FLRT2: variants seen among roughly 807,000 people sequenced by gnomAD.
The protein encoded by FLRT2 is fibronectin leucine rich transmembrane protein 2.
In FLRT2, 15 loss-of-function variants were observed where a neutral mutation model predicts 40.0. The observed-to-expected ratio is 0.38, with a 90% CI of 0.25 to 0.58. The LOEUF is 0.58. FLRT2 is among the 20% of genes least tolerant of loss of function. FLRT2 has a pLI of 0.71. For synonymous variants in FLRT2, 380 were observed against 336.8 expected (o/e 1.13, Z -1.41); for missense variants, 726 against 840.0 (o/e 0.86, Z 1.68).
At chr14:85,577,273 T>C (rs968956367) in intron 1 of FLRT2, among the ~76,000 whole-genome samples, 1 of 152,206 alleles carries the variant, frequency 6.6e-6, no homozygotes, top group African/African-American at 2.4e-5. Flanking sequence ...TGTATTTTTA[T>C]ATTTTGTCAA....
chr14:85,535,892 G>GT lies in FLRT2; in HGVS notation c.-377+5387dup, dbSNP rs71454768. On this transcript the variant is annotated intron_variant, in intron 1 of 1. Coordinates refer to ENST00000330753, the MANE Select transcript of FLRT2 (RefSeq NM_013231.6). ...ACAAACCTAGCATGGAAGGAATGCT[G>GT]TTTTTTTTTTTTTTTTTTTTTTTTT... Among the ~76,000 whole-genome samples the GT allele has an allele frequency of 6.6e-3, 379 of 57,748 alleles. 3 individuals are homozygous for GT. Among genetic ancestry groups the GT allele is most frequent in the Non-Finnish European group, 9.7e-3 (285 of 29,344 alleles). 37.9% of individuals were successfully genotyped at this position (57,748 alleles called of 152,430 possible).
In FLRT2 at chr14:85,623,297, A is replaced by G; in HGVS notation, c.1783A>G (p.Lys595Glu). Residue 595 changes from lysine to glutamate, a missense_variant, in exon 2 of 2, where the codon AAG becomes GAG. This residue lies in a region of FLRT2 where 611 missense variants were observed against 690.0 expected (regional missense o/e 0.89). Transcript: ENST00000330753. ...KDDYCEAGTKKDNSILEMTET... is the reference protein window; with the variant it reads ...KDDYCEAGTKEDNSILEMTET... The stretch of plus-strand genomic sequence containing the variant: ...TGATTATTGCGAGGCAGGCACCAAG[A>G]AGGACAACTCCATCCTGGAGATGAC... The G allele has an allele frequency of 1.3e-6, 2 of 1,517,038 alleles. No individual in the cohort carries two copies. Among genetic ancestry groups the G allele is most frequent in the Non-Finnish European group, 1.8e-6 (2 of 1,133,760 alleles). The allele number at this position is 1,517,038 out of a possible 1,614,324, so 94.0% of individuals were successfully genotyped here. A position where few individuals can be genotyped will look rare whatever the true frequency, so the allele number is the denominator to read the frequency against.
chr14:85,544,850 C>T (rs1889189878), intron 1 of FLRT2, among the ~76,000 whole-genome samples: 1 of 152,192 alleles, frequency 6.6e-6, no homozygotes, highest in South Asian at 2.1e-4. Flanking sequence ...GGTGTATTTG[C>T]AAACACACAT....
chr14:85,564,462 A>G (rs1043175460), intron 1 of FLRT2, among the ~76,000 whole-genome samples: 1 of 152,200 alleles, frequency 6.6e-6, no homozygotes, highest in Non-Finnish European at 1.5e-5. Flanking sequence ...GGTTAAAAAT[A>G]TATTTAGGTA....
At chr14:85,539,285 A>G (rs1007951511) in intron 1 of FLRT2, among the ~76,000 whole-genome samples, 4 of 152,060 alleles carry the variant, frequency 2.6e-5, no homozygotes, top group African/African-American at 4.8e-5. Context: ...ACATTTTATC[A>G]TACAGATGTA....
Position 85,644,626 on chromosome 14 carries a change from A to G in FLRT2, c.*21129A>G, listed in dbSNP as rs1894246676. ...CCGGCATGTCTGGAAATCCTTTCCA[A>G]AGAAACTGGGCCTGTTCTTGATGGG... On this transcript the variant is annotated 3_prime_UTR_variant, in exon 2 of 2. Coordinates refer to ENST00000330753, the MANE Select transcript of FLRT2 (RefSeq NM_013231.6). The G allele has an allele frequency of 6.6e-6, 1 of 152,196 alleles. No homozygotes were observed. The highest frequency in any genetic ancestry group is 2.1e-4 in the South Asian group (1 of 4,830). The allele number at this position is 152,196 out of a possible 1,614,324, so 9.4% of individuals were successfully genotyped here.
At chr14:85,614,598 A>G (rs1169790532) in intron 1 of FLRT2, among the ~76,000 whole-genome samples, 3 of 152,154 alleles carry the variant, frequency 2.0e-5, no homozygotes, top group Non-Finnish European at 4.4e-5. Flanking sequence ...TTAGTGACTA[A>G]TCATCAGCCC....
rs1027625235 is a variant in FLRT2, at chr14:85,633,120, T to C, written c.*9623T>C. The stretch of plus-strand genomic sequence containing the variant: ...CTTGTGTATTGGGGTAAGAATTACA[T>C]GTAGAGATGATCTATTTAAAGGTAA... On this transcript the variant is annotated 3_prime_UTR_variant, in exon 2 of 2. Transcript: ENST00000330753. The C allele has an allele frequency of 1.3e-5, 2 of 152,200 alleles. No homozygotes were observed. The highest frequency in any genetic ancestry group is 4.8e-5 in the African/African-American group (2 of 41,442). 9.4% of individuals were successfully genotyped at this position (152,200 alleles called of 1,614,324 possible). A position where few individuals can be genotyped will look rare whatever the true frequency, so the allele number is the denominator to read the frequency against.
chr14:85,541,410 A>G (rs1437943254), intron 1 of FLRT2, among the ~76,000 whole-genome samples: 1 of 152,170 alleles, frequency 6.6e-6, no homozygotes, highest in Non-Finnish European at 1.5e-5. Context: ...ATTGCATTGC[A>G]GTTTTATACA....
chr14:85,623,211 T>C lies in FLRT2; in HGVS notation c.1697T>C (p.Met566Thr). The change falls in exon 2 of 2, where the codon ATG (methionine) becomes ACG (threonine). Residue 566 changes from methionine to threonine, a missense_variant. By Grantham distance (81) the Met-to-Thr change is moderately conservative (BLOSUM62 -1). This residue lies in a region of FLRT2 where 611 missense variants were observed against 690.0 expected (regional missense o/e 0.89). Transcript: ENST00000330753. ...VVLLSVFCWH[M>T]HKKGRYTSQK... is the part of the protein sequence containing the mutation. Reference sequence around the variant, plus strand: ...TTGCTCAGCGTCTTTTGCTGGCATATGCACAAAAAGGGGCGCTACACCTCC... The same window carrying C: ...TTGCTCAGCGTCTTTTGCTGGCATACGCACAAAAAGGGGCGCTACACCTCC... The C allele has an allele frequency of 1.3e-6, 2 of 1,536,010 alleles. No homozygotes were observed. The highest frequency in any genetic ancestry group is 1.7e-6 in the Non-Finnish European group (2 of 1,142,868).
intron 1 of FLRT2, among the ~76,000 whole-genome samples, chr14:85,613,004 G>A (rs1892959270): frequency 6.6e-6 from 1 of 152,046 alleles, no homozygotes; most frequent in South Asian, 2.1e-4. Flanking sequence ...TATATTTTTG[G>A]ATTGAGTTTA....
intron 1 of FLRT2, among the ~76,000 whole-genome samples, chr14:85,592,764 G>A (rs899123699): frequency 4.9e-5 from 7 of 143,530 alleles, no homozygotes; most frequent in Non-Finnish European, 1.0e-4. Context: ...ACTCCAGCCT[G>A]GGTGACAGGA....
Position 85,583,945 on chromosome 14 carries a change from C to T in FLRT2, c.-376-37194C>T, listed in dbSNP as rs1356135724. ...TTTGAAGCCAGCCTGGGCAATGTAG[C>T]AAGACACTGTTTCTTTAAAAAAAAA... On this transcript the variant is annotated intron_variant, in intron 1 of 1. Coordinates refer to ENST00000330753, the MANE Select transcript of FLRT2 (RefSeq NM_013231.6). Among the ~76,000 whole-genome samples the T allele has an allele frequency of 3.5e-5, 5 of 144,466 alleles. No homozygotes were observed. The South Asian group carries it at 9.0e-4, about 26-fold the overall frequency. The allele number at this position is 144,466 out of a possible 152,430, so 94.8% of individuals were successfully genotyped here.
At chr14:85,544,797 G>A (rs772865817) in intron 1 of FLRT2, among the ~76,000 whole-genome samples, 13 of 152,168 alleles carry the variant, frequency 8.5e-5, no homozygotes, top group Non-Finnish European at 1.9e-4. Context: ...TAAGTTTCGC[G>A]GTAGATTGCC....
chr14:85,596,247 A>G (rs2139325354), intron 1 of FLRT2, among the ~76,000 whole-genome samples: 1 of 152,278 alleles, frequency 6.6e-6, no homozygotes, highest in South Asian at 2.1e-4. Flanking sequence ...AGATCTGGAG[A>G]CTGACATAGA....
chr14:85,631,387 T>A lies in FLRT2; in HGVS notation c.*7890T>A, dbSNP rs1047686950. The A allele has an allele frequency of 6.6e-6, 1 of 152,064 alleles. No individual in the cohort carries two copies. The highest frequency in any genetic ancestry group is 2.4e-5 in the African/African-American group (1 of 41,394). The allele number at this position is 152,064 out of a possible 1,614,324, so 9.4% of individuals were successfully genotyped here. A position where few individuals can be genotyped will look rare whatever the true frequency, so the allele number is the denominator to read the frequency against. On this transcript the variant is annotated 3_prime_UTR_variant, in exon 2 of 2. Transcript: ENST00000330753. The stretch of plus-strand genomic sequence containing the variant: ...AGCACCTATATATTGTAATTTTTTG[T>A]GAGTCTGCTTCATGCCTATACAATG...
At chr14:85,610,616 C>A (rs1394001002) in intron 1 of FLRT2, among the ~76,000 whole-genome samples, 1 of 152,194 alleles carries the variant, frequency 6.6e-6, no homozygotes, top group African/African-American at 2.4e-5. Context: ...CCTGCCAGAG[C>A]TAAGGCTCTC....
At chr14:85,578,639 G>A (rs1174084984) in intron 1 of FLRT2, among the ~76,000 whole-genome samples, 2 of 152,156 alleles carry the variant, frequency 1.3e-5, no homozygotes, top group Non-Finnish European at 2.9e-5. Flanking sequence ...ATCGTGGGGA[G>A]ATACGGGTTG....
At chr14:85,553,793 C>T (rs115566563) in intron 1 of FLRT2, among the ~76,000 whole-genome samples, 1,586 of 152,226 alleles carry the variant, frequency 0.01, 30 homozygotes, top group African/African-American at 0.036. Flanking sequence ...TTTCATTCTG[C>T]ATTGTCACTT....
Sources: allele counts gnomAD v4.1 joint callset (sites outside exome capture counted in the v4.1 genomes callset), GRCh38; gene constraint gnomAD v4.1.1; regional missense constraint gnomAD v4.1.1; transcripts MANE v1.5; gene names NCBI Gene and HGNC (gene_info 2026-07-23, HGNC 2026-07-21).